The following CACNB4 variants were observed in gnomAD, a reference collection of about 807,000 sequenced individuals.
The protein encoded by CACNB4 is voltage-dependent L-type calcium channel subunit beta-4.
Under a neutral mutation model 71.2 loss-of-function variants are expected in CACNB4, and 32 were observed. The observed-to-expected ratio is 0.45, with a 90% CI of 0.34 to 0.60. The LOEUF is 0.60. CACNB4 is among the 20% of genes least tolerant of loss of function. The probability of loss-of-function intolerance (pLI) is 0.01; values close to 1 mark genes in which losing one functional copy is unlikely to be tolerated. For missense variants in CACNB4, 464 were observed against 647.9 expected (o/e 0.72, Z 3.08); for synonymous variants, 231 against 236.9 (o/e 0.97, Z 0.23).
At chr2:151,850,821 G>C (rs776144128) in intron 12 of CACNB4, 4 of 152,204 alleles carry the variant, frequency 2.6e-5, no homozygotes, top group Admixed American at 6.5e-5. Flanking sequence ...TTTGGTATCA[G>C]GATTATTTTC....
chr2:151,869,878 C>T (rs1445629191), intron 8 of CACNB4: 1 of 312,570 alleles, frequency 3.2e-6, no homozygotes, highest in South Asian at 4.7e-5. Flanking sequence ...GGGAATGGTG[C>T]CCTGGAGGCT....
At position 151,938,966 on chromosome 2, in the gene CACNB4, A is replaced by T. The variant is rs139221519; in HGVS notation, c.148-55596T>A. 4.0e-3 allele frequency among the ~76,000 whole-genome samples: 617 copies of T among 152,352 alleles called. 4 individuals carry two copies. The highest frequency in any genetic ancestry group is 0.014 in the African/African-American group (570 of 41,584). ...GTGTTGGCTCTGGGACCTCTGTCAG[A>T]TCTCACAACTCCTTTCTCTATCTGC... is the stretch of plus-strand genomic sequence containing the variant. On this transcript the variant is annotated intron_variant, in intron 2 of 13. Transcript: ENST00000539935.
At chr2:151,971,190 C>A (rs2099872448) in intron 2 of CACNB4, 1 of 322,138 alleles carries the variant, frequency 3.1e-6, no homozygotes, top group Non-Finnish European at 5.8e-6. Flanking sequence ...CTCTCTCCTA[C>A]TGTGGGGATG....
Position 152,058,111 on chromosome 2 carries a change from C to T in CACNB4, c.147+40219G>A, listed in dbSNP as rs529082487. 3.3e-5 allele frequency among the ~76,000 whole-genome samples: 5 copies of T among 152,352 alleles called. No individual in the cohort carries two copies. The South Asian group carries it at 8.3e-4, about 25-fold the overall frequency. ...TGCCACCATGTAAAAAAGGTCCTCA[C>T]TTTCCCTTTGCCTTCCTCCATGACT... On this transcript the variant is annotated intron_variant, in intron 2 of 13. Transcript: ENST00000539935.
At chr2:152,019,726 ATG>A (rs1683551051) in intron 2 of CACNB4, among the ~76,000 whole-genome samples, 1 of 152,268 alleles carries the variant, frequency 6.6e-6, no homozygotes, top group African/African-American at 2.4e-5. Context: ...TGACCACCAA[ATG>A]TGTGTGTGCA....
At chr2:152,053,556 C>T (rs1379291500) in intron 2 of CACNB4, among the ~76,000 whole-genome samples, 1 of 143,084 alleles carries the variant, frequency 7.0e-6, no homozygotes, top group Non-Finnish European at 1.5e-5. Context: ...CAAGGTCTTG[C>T]TCTGCCACCC....
chr2:152,088,650 T>G (rs1419847835), intron 2 of CACNB4, among the ~76,000 whole-genome samples: 1 of 152,220 alleles, frequency 6.6e-6, no homozygotes, highest in African/African-American at 2.4e-5. Context: ...GTCATCCAAA[T>G]GATTACAGTG....
At chr2:151,867,081 G>C (rs1222659592) in intron 9 of CACNB4, 1 of 152,198 alleles carries the variant, frequency 6.6e-6, no homozygotes, top group African/African-American at 2.4e-5. Flanking sequence ...TTGCGTATAA[G>C]TATGTTATAG....
intron 2 of CACNB4, among the ~76,000 whole-genome samples, chr2:151,953,769 A>C (rs1193981975): frequency 6.6e-6 from 1 of 152,208 alleles, no homozygotes; most frequent in East Asian, 1.9e-4. Flanking sequence ...TGACTCTTTT[A>C]AGAGTTATCA....
intron 8 of CACNB4, 63 bp downstream of exon 8, chr2:151,870,468 G>A (rs570620013): frequency 8.4e-5 from 115 of 1,368,722 alleles, no homozygotes; most frequent in African/African-American, 1.4e-4. Context: ...AGGAGCAAGC[G>A]TCAACATGAC....
intron 2 of CACNB4, among the ~76,000 whole-genome samples, chr2:151,940,991 G>C (rs2099864084): frequency 6.6e-6 from 1 of 152,152 alleles, no homozygotes; most frequent in African/African-American, 2.4e-5. Context: ...TCATCCAGAA[G>C]AACTCTCTGT....
At chr2:151,954,850 C>CTT (rs34054917) in intron 2 of CACNB4, among the ~76,000 whole-genome samples, 8,404 of 94,904 alleles carry the variant, frequency 0.089, 2,120 homozygotes, top group African/African-American at 0.33. Flanking sequence ...CAAGTCAGCA[C>CTT]TTTTTTTTTT....
At chr2:151,846,252 T>C (rs964381306) in intron 12 of CACNB4, among the ~76,000 whole-genome samples, 13 of 152,174 alleles carry the variant, frequency 8.5e-5, no homozygotes, top group Non-Finnish European at 1.8e-4. Context: ...TGGGTCACCC[T>C]ACTTTTTACA....
chr2:151,842,966 A>G (rs13026992), intron 12 of CACNB4, among the ~76,000 whole-genome samples: 7 of 152,262 alleles, frequency 4.6e-5, no homozygotes, highest in Non-Finnish European at 1.0e-4. Flanking sequence ...AAAGTTTAGG[A>G]TTAATAACAG....
At chr2:151,905,130 C>G (rs1192892721) in intron 2 of CACNB4, among the ~76,000 whole-genome samples, 2 of 152,154 alleles carry the variant, frequency 1.3e-5, no homozygotes, top group Admixed American at 6.5e-5. Flanking sequence ...AAATGTAGCC[C>G]AGGCCTGCAG....
chr2:152,011,483 CT>C (rs1683054785), intron 2 of CACNB4, among the ~76,000 whole-genome samples: 1 of 152,212 alleles, frequency 6.6e-6, no homozygotes, highest in Admixed American at 6.5e-5. Flanking sequence ...GAAATTACCC[CT>C]GACCCTGAGC....
chr2:151,955,443 C>T lies in CACNB4; in HGVS notation c.148-72073G>A, dbSNP rs372255851. ...AGACTTGATCCTTGCCCTCTAGAGT[C>T]CTATGTTTGCAGAAATAAGATGCAG... On this transcript the variant is annotated intron_variant, in intron 2 of 13. Coordinates refer to ENST00000539935, the MANE Select transcript of CACNB4 (RefSeq NM_000726.5). Among the ~76,000 whole-genome samples the T allele has an allele frequency of 1.2e-4, 19 of 152,234 alleles. 1 individual carries two copies. In the South Asian group the frequency reaches 3.9e-3, roughly 32 times the overall value.
At chr2:151,930,132 G>A (rs1441262534) in intron 2 of CACNB4, among the ~76,000 whole-genome samples, 1 of 152,118 alleles carries the variant, frequency 6.6e-6, no homozygotes, top group African/African-American at 2.4e-5. Flanking sequence ...AATTGAAACA[G>A]TTTAATACTA....
At chr2:152,032,518 T>C (rs1385008369) in intron 2 of CACNB4, among the ~76,000 whole-genome samples, 2 of 152,184 alleles carry the variant, frequency 1.3e-5, no homozygotes, top group Admixed American at 1.3e-4. Context: ...AAAACACAAA[T>C]AGAGACTATG....
Sources: allele counts gnomAD v4.1 joint callset (sites outside exome capture counted in the v4.1 genomes callset), GRCh38; gene constraint gnomAD v4.1.1; transcripts MANE v1.5; gene names NCBI Gene and HGNC (gene_info 2026-07-23, HGNC 2026-07-21).